Variants in PTPRD observed in about 807,000 individuals in gnomAD.
The protein encoded by PTPRD is receptor-type tyrosine-protein phosphatase delta.
PTPRD carries 34 observed loss-of-function variants against 214.5 expected under a neutral mutation model. The observed-to-expected ratio is 0.16, with a 90% CI of 0.12 to 0.21. PTPRD has a LOEUF of 0.21. Among genes scored for constraint, PTPRD ranks in the 10% least tolerant of loss-of-function variants. The pLI is 1.00. For synonymous variants in PTPRD, 1,128 were observed against 845.7 expected, an observed-to-expected ratio of 1.33 and a Z score of -5.79; for missense variants, 2,545 against 2,398.7, an observed-to-expected ratio of 1.06 and a Z score of -1.27.
At chr9:9,243,723 C>T (rs1295857239) in intron 9 of PTPRD, among the ~76,000 whole-genome samples, 1 of 152,164 alleles carries the variant, frequency 6.6e-6, no homozygotes, top group Non-Finnish European at 1.5e-5. Context: ...CCCTTGAAAA[C>T]TGGCACAAGA....
rs199757330 is a variant in PTPRD, at chr9:9,269,188, A to T, written c.-202-85825T>A. Among the ~76,000 whole-genome samples the T allele has an allele frequency of 1.4e-4, 21 of 151,556 alleles. No individual in the cohort carries two copies. In the East Asian group the frequency reaches 4.1e-3, roughly 30 times the overall value. ...ACAATAAAGCTAAATAACCTTATTT[A>T]AAAAATTATCAAAGAACCTGAACAG... On this transcript the variant is annotated intron_variant, in intron 9 of 45. Transcript: ENST00000381196.
chr9:9,281,153 T>C (rs1300047513), intron 9 of PTPRD, among the ~76,000 whole-genome samples: 1 of 151,202 alleles, frequency 6.6e-6, no homozygotes, highest in Non-Finnish European at 1.5e-5. Flanking sequence ...AACTGTATAA[T>C]GAGTAGAAAA....
At chr9:10,448,447 G>A (rs1490881596) in intron 2 of PTPRD, among the ~76,000 whole-genome samples, 1 of 151,850 alleles carries the variant, frequency 6.6e-6, no homozygotes, top group East Asian at 1.9e-4. Context: ...ATATAAATCA[G>A]GTAAGTACTA....
At chr9:9,167,747 C>T (rs1171340328) in intron 10 of PTPRD, among the ~76,000 whole-genome samples, 2 of 152,080 alleles carry the variant, frequency 1.3e-5, no homozygotes, top group Non-Finnish European at 2.9e-5. Context: ...GAGAGCAAAA[C>T]TCTGTCTTAA....
chr9:10,451,203 T>C (rs561185431), intron 2 of PTPRD, among the ~76,000 whole-genome samples: 2 of 151,930 alleles, frequency 1.3e-5, no homozygotes, highest in East Asian at 3.8e-4. Context: ...GATACCAATT[T>C]GAGGCTCTAT....
chr9:9,389,992 G>T (rs10816114), intron 9 of PTPRD, among the ~76,000 whole-genome samples: 40,302 of 152,112 alleles, frequency 0.26, 5,473 homozygotes, highest in Middle Eastern at 0.3. Flanking sequence ...AGCATTAAGT[G>T]GGATAAGAAG....
At chr9:8,389,802 A>T (rs2088787652) in intron 36 of PTPRD, among the ~76,000 whole-genome samples, 1 of 152,192 alleles carries the variant, frequency 6.6e-6, no homozygotes, top group South Asian at 2.1e-4. Flanking sequence ...TGAGTCTGAA[A>T]ATACAAAATA....
intron 14 of PTPRD, among the ~76,000 whole-genome samples, chr9:8,629,596 C>A (rs139918282): frequency 4.0e-5 from 6 of 151,890 alleles, no homozygotes; most frequent in African/African-American, 1.4e-4. Context: ...AAGGCACAGT[C>A]CTTAGTAGCC....
chr9:9,516,594 A>G (rs1250733442), intron 8 of PTPRD, among the ~76,000 whole-genome samples: 2 of 151,600 alleles, frequency 1.3e-5, no homozygotes, highest in Non-Finnish European at 2.9e-5. Context: ...CTGGAGTGCA[A>G]TGGCACTAAC....
chr9:9,050,947 A>G (rs901746218), intron 10 of PTPRD, among the ~76,000 whole-genome samples: 3 of 152,162 alleles, frequency 2.0e-5, no homozygotes, highest in African/African-American at 7.2e-5. Flanking sequence ...GGGGTCTTGG[A>G]AAGTATCCCC....
chr9:8,417,532 T>G (rs947771502), intron 35 of PTPRD, among the ~76,000 whole-genome samples: 4 of 152,192 alleles, frequency 2.6e-5, no homozygotes, highest in Non-Finnish European at 4.4e-5. Flanking sequence ...TAATAGGATT[T>G]CTAGTAGAAT....
At chr9:8,729,865 C>T (rs564595104) in intron 12 of PTPRD, among the ~76,000 whole-genome samples, 7 of 152,334 alleles carry the variant, frequency 4.6e-5, no homozygotes, top group Admixed American at 3.9e-4. Context: ...TCAGTCTATG[C>T]TCTAATGTCA....
rs10977818 is a variant in PTPRD at position 9,485,048 on chromosome 9, T to C, written c.-236-87566A>G. Among the ~76,000 whole-genome samples, 32 of 152,320 alleles carry C rather than the reference T, an allele frequency of 2.1e-4. No homozygotes were observed. In the East Asian group the frequency reaches 6.0e-3, roughly 28 times the overall value. Reference sequence around the variant, plus strand: ...GTAAATGTCACATTGTTCCCCAAAGTGCATTCAAGATAAGCCATTTGCCTC... The same window carrying C: ...GTAAATGTCACATTGTTCCCCAAAGCGCATTCAAGATAAGCCATTTGCCTC... On this transcript the variant is annotated intron_variant, in intron 8 of 45. Coordinates refer to ENST00000381196, the MANE Select transcript of PTPRD (RefSeq NM_002839.4).
At chr9:9,972,214 G>A (rs752722312) in intron 4 of PTPRD, among the ~76,000 whole-genome samples, 1 of 152,096 alleles carries the variant, frequency 6.6e-6, no homozygotes, top group Non-Finnish European at 1.5e-5. Context: ...ATTTCTAGTA[G>A]TGTTCTTTCT....
chr9:10,398,989 G>C (rs1041725754), intron 2 of PTPRD, among the ~76,000 whole-genome samples: 1 of 151,918 alleles, frequency 6.6e-6, no homozygotes, highest in Non-Finnish European at 1.5e-5. Context: ...ACAGTGTCTG[G>C]CATGATGAGA....
chr9:10,251,098 T>C (rs1237071457), intron 3 of PTPRD, among the ~76,000 whole-genome samples: 2 of 152,104 alleles, frequency 1.3e-5, no homozygotes, highest in East Asian at 3.9e-4. Flanking sequence ...CATATAGCAA[T>C]ATCAAATTAC....
At chr9:10,501,569 A>G (rs1164244156) in intron 2 of PTPRD, among the ~76,000 whole-genome samples, 2 of 152,006 alleles carry the variant, frequency 1.3e-5, no homozygotes, top group East Asian at 1.9e-4. Flanking sequence ...AACTGACCTT[A>G]AAGTTCATAT....
intron 11 of PTPRD, among the ~76,000 whole-genome samples, chr9:9,003,022 T>C (rs181518987): frequency 5.3e-5 from 8 of 152,144 alleles, no homozygotes; most frequent in African/African-American, 1.9e-4. Context: ...AAAGAAATCA[T>C]GAAATGCTTT....
chr9:9,061,809 C>G (rs2099707988), intron 10 of PTPRD, among the ~76,000 whole-genome samples: 1 of 152,130 alleles, frequency 6.6e-6, no homozygotes, highest in African/African-American at 2.4e-5. Context: ...CTCAGCTGGT[C>G]AAATAAACAG....
Sources: gnomAD v4.1 joint callset for allele counts (sites outside exome capture counted in the v4.1 genomes callset) on GRCh38, gnomAD v4.1.1 for gene constraint, MANE v1.5 for transcripts, NCBI Gene and HGNC (gene_info 2026-07-23, HGNC 2026-07-21) for gene names.